Variants in MCHR2 observed in about 807,000 individuals in gnomAD.
MCHR2 encodes melanin concentrating hormone receptor 2.
A neutral mutation model predicts 24.8 loss-of-function variants in MCHR2; 15 were observed. The observed-to-expected ratio is 0.60, with a 90% CI of 0.40 to 0.93. The LOEUF is 0.93. Among genes scored for constraint, MCHR2 ranks in the 40% least tolerant of loss-of-function variants. The pLI is 0.00. For missense variants in MCHR2, 386 were observed against 408.7 expected, an observed-to-expected ratio of 0.94 and a Z score of 0.48; for synonymous variants, 151 against 147.6, an observed-to-expected ratio of 1.02 and a Z score of -0.17.
intron 5 of MCHR2, among the ~76,000 whole-genome samples, chr6:99,933,176 G>T (rs1005768734): frequency 3.3e-5 from 5 of 152,082 alleles, no homozygotes; most frequent in African/African-American, 1.2e-4. Flanking sequence ...TTAAAAGCAT[G>T]GAAGCTAAAA....
In MCHR2 at chr6:99,959,657, T is replaced by C. The variant is rs1050839821; in HGVS notation, c.-27-3483A>G. Among the ~76,000 whole-genome samples the C allele has an allele frequency of 3.7e-5, 3 of 81,842 alleles. No homozygotes were observed. In the South Asian group the frequency reaches 1.4e-3, roughly 38 times the overall value. The allele number at this position is 81,842 out of a possible 152,430, so 53.7% of individuals were successfully genotyped here. A position where few individuals can be genotyped will look rare whatever the true frequency, so the allele number is the denominator to read the frequency against. On this transcript the variant is annotated intron_variant, in intron 1 of 5. Coordinates refer to ENST00000281806, the MANE Select transcript of MCHR2 (RefSeq NM_001040179.2). ...AGAGTTTCAGCAAAGGGATAGAAAA[T>C]ATAAAAAAGAACCAAACAGATTTTG...
intron 5 of MCHR2, among the ~76,000 whole-genome samples, chr6:99,927,035 G>T (rs2114489804): frequency 6.6e-6 from 1 of 152,272 alleles, no homozygotes; most frequent in Non-Finnish European, 1.5e-5. Flanking sequence ...AAGGGATCCA[G>T]TTTCAGCTTT....
At chr6:99,955,891 G>T in intron 2 of MCHR2, 75 bp downstream of exon 2, 2 of 1,190,256 alleles carry the variant, frequency 1.7e-6, no homozygotes, top group Non-Finnish European at 2.3e-6. Context: ...CAGGGGAAAG[G>T]ACTCATTTAG....
At chr6:99,989,633 G>A (rs1775830677) in intron 1 of MCHR2, among the ~76,000 whole-genome samples, 1 of 152,008 alleles carries the variant, frequency 6.6e-6, no homozygotes, top group Admixed American at 6.5e-5. Flanking sequence ...TCTCTTTAGG[G>A]TCCAAAACTG....
intron 2 of MCHR2, 140 bp from the exon 3 acceptor site, chr6:99,948,111 G>A (rs1178191202): frequency 4.4e-6 from 3 of 677,024 alleles, no homozygotes; most frequent in Non-Finnish European, 7.5e-6. Context: ...TAGAGGAAAT[G>A]CCTAGTCTTG....
rs1188010616 is a variant in MCHR2 at position 99,920,047 on chromosome 6, T to A, written c.*893A>T. 6.6e-6 allele frequency: 1 copy of A among 152,230 alleles called. No individual in the cohort carries two copies. The highest frequency in any genetic ancestry group is 2.4e-5 in the African/African-American group (1 of 41,446). The allele number at this position is 152,230 out of a possible 1,614,324, so 9.4% of individuals were successfully genotyped here. ...GGCCAGGAATGTTTCCTAATTATGC[T>A]TAAAGTCCAGAAGTAAAGTATTATT... On this transcript the variant is annotated 3_prime_UTR_variant, in exon 6 of 6. Transcript: ENST00000281806.
intron 1 of MCHR2, among the ~76,000 whole-genome samples, chr6:99,961,678 G>A (rs963862063): frequency 6.6e-6 from 1 of 152,044 alleles, no homozygotes; most frequent in African/African-American, 2.4e-5. Flanking sequence ...GACACAGGGT[G>A]GGGGACATCA....
At chr6:99,991,221 A>C (rs529734094) in intron 1 of MCHR2, among the ~76,000 whole-genome samples, 16 of 152,136 alleles carry the variant, frequency 1.1e-4, no homozygotes, top group African/African-American at 3.4e-4. Flanking sequence ...CGGTGAATAC[A>C]TGCTCTCCAG....
chr6:99,969,605 A>C (rs926712314), intron 1 of MCHR2, among the ~76,000 whole-genome samples: 1 of 150,786 alleles, frequency 6.6e-6, no homozygotes, highest in Non-Finnish European at 1.5e-5. Flanking sequence ...TTTAGGGTTC[A>C]TGTGCACAAT....
intron 1 of MCHR2, among the ~76,000 whole-genome samples, chr6:99,985,064 T>C (rs1775746473): frequency 6.6e-6 from 1 of 151,948 alleles, no homozygotes; most frequent in Non-Finnish European, 1.5e-5. Flanking sequence ...AAGAACTCAA[T>C]CCCATTTACA....
At chr6:99,940,509 G>C (rs980490231) in intron 4 of MCHR2, among the ~76,000 whole-genome samples, 1 of 151,978 alleles carries the variant, frequency 6.6e-6, no homozygotes, top group East Asian at 1.9e-4. Context: ...TGAGATCACT[G>C]AGTTTCCTAA....
At chr6:99,951,594 G>C (rs1165444989) in intron 2 of MCHR2, among the ~76,000 whole-genome samples, 2 of 152,132 alleles carry the variant, frequency 1.3e-5, no homozygotes, top group East Asian at 3.9e-4. Flanking sequence ...CAGCTCATCT[G>C]AACAGATGTT....
intron 1 of MCHR2, among the ~76,000 whole-genome samples, chr6:99,968,322 G>A (rs1424902159): frequency 1.3e-5 from 2 of 152,170 alleles, no homozygotes; most frequent in Non-Finnish European, 2.9e-5. Context: ...ACAGTGAAGA[G>A]AACCAGAGGA....
chr6:99,937,167 C>T (rs1474201373), intron 4 of MCHR2, among the ~76,000 whole-genome samples: 2 of 151,852 alleles, frequency 1.3e-5, no homozygotes, highest in African/African-American at 4.8e-5. Flanking sequence ...GGCTATTTGG[C>T]TTTTTCCTTT....
intron 5 of MCHR2, among the ~76,000 whole-genome samples, chr6:99,929,280 G>C (rs1282667890): frequency 2.6e-5 from 4 of 152,178 alleles, no homozygotes; most frequent in Middle Eastern, 3.4e-3. Context: ...TTTTGGAATA[G>C]GTGTGGTGTG....
At chr6:99,989,739 C>T (rs776162967) in intron 1 of MCHR2, among the ~76,000 whole-genome samples, 8 of 152,128 alleles carry the variant, frequency 5.3e-5, no homozygotes, top group Non-Finnish European at 8.8e-5. Context: ...GTCTCTGATA[C>T]AGAGGCTCTC....
intron 1 of MCHR2, among the ~76,000 whole-genome samples, chr6:99,993,575 A>G (rs939452851): frequency 7.2e-5 from 11 of 151,870 alleles, no homozygotes; most frequent in African/African-American, 2.4e-4. Flanking sequence ...TTTAGTCCCC[A>G]TGGAGAGCCG....
intron 1 of MCHR2, among the ~76,000 whole-genome samples, chr6:99,965,112 T>C (rs1254308713): frequency 6.6e-6 from 1 of 152,098 alleles, no homozygotes; most frequent in Non-Finnish European, 1.5e-5. Flanking sequence ...TTCTTGTCCT[T>C]GGTAGCCAGT....
chr6:99,987,712 C>G (rs1413113227), intron 1 of MCHR2, among the ~76,000 whole-genome samples: 1 of 151,816 alleles, frequency 6.6e-6, no homozygotes, highest in Non-Finnish European at 1.5e-5. Context: ...AAAAAGTAAG[C>G]AAAATATAAG....
Sources: allele counts gnomAD v4.1 joint callset (sites outside exome capture counted in the v4.1 genomes callset), GRCh38; gene constraint gnomAD v4.1.1; transcripts MANE v1.5; gene names NCBI Gene and HGNC (gene_info 2026-07-23, HGNC 2026-07-21).